Variants in UBR1 observed in about 807,000 individuals in gnomAD.
The protein encoded by UBR1 is ubiquitin protein ligase E3 component n-recognin 1.
In UBR1, 102 loss-of-function variants were observed where a neutral mutation model predicts 242.1. That is an observed-to-expected ratio of 0.42 (90% CI 0.36 to 0.50). The LOEUF (loss-of-function observed/expected upper bound fraction) is 0.50, where lower values mean the gene tolerates loss of function less well. UBR1 is among the 20% of genes least tolerant of loss of function. The pLI, the probability that UBR1 is intolerant of heterozygous loss-of-function variation, is 0.01. For missense variants in UBR1, 1,772 were observed against 2,101.8 expected, an observed-to-expected ratio of 0.84 and a Z score of 3.07; for synonymous variants, 675 against 684.8, an observed-to-expected ratio of 0.99 and a Z score of 0.22.
At chr15:43,059,582 A>C in intron 8 of UBR1, 120 bp downstream of exon 8, 1 of 1,210,654 alleles carries the variant, frequency 8.3e-7, no homozygotes, top group Non-Finnish European at 1.1e-6. Flanking sequence ...ATCAAAGTGT[A>C]TAAACCAAAA....
intron 3 of UBR1, among the ~76,000 whole-genome samples, chr15:43,076,776 AGG>A (rs2033904741): frequency 8.6e-6 from 1 of 116,474 alleles, no homozygotes; most frequent in Non-Finnish European, 1.8e-5. Flanking sequence ...GGGAGGTGGG[AGG>A]GGGTCAGCCC....
At chr15:43,014,923 G>C (rs1342364396) in intron 29 of UBR1, among the ~76,000 whole-genome samples, 1 of 142,722 alleles carries the variant, frequency 7.0e-6, no homozygotes, top group African/African-American at 2.6e-5. Flanking sequence ...GTCCGGGAGG[G>C]AGGTGTGGGT....
intron 10 of UBR1, among the ~76,000 whole-genome samples, chr15:43,056,841 G>T (rs1256277612): frequency 6.6e-6 from 1 of 152,138 alleles, no homozygotes; most frequent in African/African-American, 2.4e-5. Flanking sequence ...TTTAACAACT[G>T]ATATGACCCA....
chr15:43,071,912 A>G (rs992531954), intron 4 of UBR1, among the ~76,000 whole-genome samples: 2 of 152,224 alleles, frequency 1.3e-5, no homozygotes, highest in Non-Finnish European at 2.9e-5. Context: ...GTATTGGCCA[A>G]GATGTAAAAA....
At chr15:43,092,250 T>C (rs1002814726) in intron 1 of UBR1, among the ~76,000 whole-genome samples, 15 of 152,290 alleles carry the variant, frequency 9.8e-5, no homozygotes, top group African/African-American at 3.6e-4. Flanking sequence ...TAGCGAATCC[T>C]TCACTGATCA....
At chr15:42,996,606 C>T (rs1402427318) in intron 33 of UBR1, among the ~76,000 whole-genome samples, 1 of 149,140 alleles carries the variant, frequency 6.7e-6, no homozygotes, top group South Asian at 2.1e-4. Context: ...AAACAACAAA[C>T]CCCCCCAACA....
intron 36 of UBR1, 65 bp from the exon 37 acceptor site, chr15:42,984,058 T>A: frequency 7.6e-7 from 1 of 1,310,566 alleles, no homozygotes; most frequent in Non-Finnish European, 1.1e-6. Flanking sequence ...GTCATCCACT[T>A]AAGAGTTGGT....
intron 3 of UBR1, 74 bp from the exon 4 acceptor site, chr15:43,075,163 A>T (rs771976255): frequency 3.5e-6 from 4 of 1,130,436 alleles, no homozygotes; most frequent in Non-Finnish European, 4.1e-6. Flanking sequence ...AGATGACTCA[A>T]ATAATAAATG....
intron 1 of UBR1, among the ~76,000 whole-genome samples, chr15:43,089,825 A>G (rs1433347086): frequency 6.6e-6 from 1 of 152,218 alleles, no homozygotes; most frequent in Non-Finnish European, 1.5e-5. Flanking sequence ...GGGACATTCC[A>G]TACAATAACT....
chr15:43,103,146 T>A (rs1446126044), intron 1 of UBR1, among the ~76,000 whole-genome samples: 1 of 152,148 alleles, frequency 6.6e-6, no homozygotes, highest in Non-Finnish European at 1.5e-5. Context: ...ACAGCCTGGG[T>A]GATGGAGTAG....
chr15:42,980,082 C>A (rs532649861), intron 37 of UBR1, among the ~76,000 whole-genome samples: 5 of 152,242 alleles, frequency 3.3e-5, no homozygotes, highest in African/African-American at 1.2e-4. Context: ...TACTACCTAT[C>A]TTATTTTTTT....
rs951560155 is a variant in UBR1, at chr15:43,055,432, G to C, written c.1282-533C>G. ...CACCCCAGCCTGAGTGACAGAGAGA[G>C]ACTTCATCTCAAAAAAAAAAATCAC... is the stretch of plus-strand genomic sequence containing the variant. On this transcript the variant is annotated intron_variant, in intron 11 of 46. Coordinates refer to ENST00000290650, the MANE Select transcript of UBR1 (RefSeq NM_174916.3). Among the ~76,000 whole-genome samples, 6 of 151,366 alleles carry C rather than the reference G, an allele frequency of 4.0e-5. No individual in the cohort carries two copies. The East Asian group carries it at 9.8e-4, about 25-fold the overall frequency.
Position 43,076,756 on chromosome 15 carries a change from G to C in UBR1, c.418-1667C>G, listed in dbSNP as rs376902594. 5.3e-3 allele frequency among the ~76,000 whole-genome samples: 719 copies of C among 134,996 alleles called. 6 individuals are homozygous for C. The highest frequency in any genetic ancestry group is 0.019 in the African/African-American group (670 of 34,766). 88.6% of individuals were successfully genotyped at this position (134,996 alleles called of 152,430 possible). On this transcript the variant is annotated intron_variant, in intron 3 of 46. Transcript: ENST00000290650. ...GGAGCGTCTCCGCCTGGCAGCCACC[G>C]CGTCCGGGAGGGAGGTGGGAGGGGG...
chr15:43,067,829 C>T, intron 6 of UBR1, 69 bp downstream of exon 6: 7 of 1,596,418 alleles, frequency 4.4e-6, no homozygotes, highest in Non-Finnish European at 6.0e-6. Flanking sequence ...TGAGCAAGGG[C>T]TCAGTCAACA....
At chr15:42,959,132 C>T (rs2031973863) in intron 43 of UBR1, among the ~76,000 whole-genome samples, 1 of 152,146 alleles carries the variant, frequency 6.6e-6, no homozygotes, top group African/African-American at 2.4e-5. Context: ...CGCCTGGCCC[C>T]AATCAATTTA....
intron 46 of UBR1, among the ~76,000 whole-genome samples, chr15:42,949,445 T>TA (rs71108191): frequency 0.55 from 82,385 of 149,758 alleles, 26,479 homozygotes; most frequent in Non-Finnish European, 0.7. Context: ...TAAAATAAAA[T>TA]AAAAAAAAAA....
At chr15:43,064,807 T>C (rs1596126649) in intron 6 of UBR1, among the ~76,000 whole-genome samples, 1 of 151,918 alleles carries the variant, frequency 6.6e-6, no homozygotes, top group African/African-American at 2.4e-5. Flanking sequence ...CGACCTCAGG[T>C]GATCCGCCCG....
At chr15:43,059,035 A>G in intron 9 of UBR1, 50 bp downstream of exon 9, 2 of 1,455,072 alleles carry the variant, frequency 1.4e-6, no homozygotes, top group Non-Finnish European at 1.9e-6. Flanking sequence ...CTTTAAGGTC[A>G]TAATCTTCCT....
Position 43,067,909 on chromosome 15 carries a change from T to C in UBR1, c.787A>G (p.Ile263Val). Residue 263 changes from isoleucine to valine, a missense_variant, in exon 6 of 47, where the codon ATT becomes GTT. Coordinates refer to ENST00000290650, the MANE Select transcript of UBR1 (RefSeq NM_174916.3). ...LAEAQLHTTA[I>V]DKEGRRAVKA... ...AGGAGACCACAAACCTCTTTGTCAA[T>C]GGCAGTGGTATGCAACTGGGCCTCT... is the stretch of plus-strand genomic sequence containing the variant. 3 of 1,614,034 alleles carry C rather than the reference T, an allele frequency of 1.9e-6. No individual in the cohort carries two copies. The highest frequency in any genetic ancestry group is 2.5e-6 in the Non-Finnish European group (3 of 1,179,988).
Sources: allele counts gnomAD v4.1 joint callset (sites outside exome capture counted in the v4.1 genomes callset), GRCh38; gene constraint gnomAD v4.1.1; transcripts MANE v1.5; gene names NCBI Gene and HGNC (gene_info 2026-07-23, HGNC 2026-07-21).